INPPL1: variants seen among roughly 807,000 people sequenced by gnomAD.
INPPL1 encodes the protein phosphatidylinositol 3,4,5-trisphosphate 5-phosphatase 2.
Under a neutral mutation model 139.3 loss-of-function variants are expected in INPPL1, and 91 were observed. The observed-to-expected ratio is 0.65, with a 90% CI of 0.55 to 0.78. The LOEUF is 0.78. Among genes scored for constraint, INPPL1 ranks in the 30% least tolerant of loss-of-function variants. INPPL1 has a pLI of 0.00. For synonymous variants in INPPL1, 719 were observed against 686.6 expected, an observed-to-expected ratio of 1.05 and a Z score of -0.74; for missense variants, 1,411 against 1,665.6, an observed-to-expected ratio of 0.85 and a Z score of 2.66.
chr11:72,232,199 T>G, intron 13 of INPPL1, 41 bp from the exon 14 acceptor site: 1 of 1,463,710 alleles, frequency 6.8e-7, no homozygotes, highest in Non-Finnish European at 9.4e-7. Flanking sequence ...GGGAGCCCTC[T>G]GAGGATGACC....
In INPPL1 at chr11:72,230,034, G is replaced by A; in HGVS notation, c.939+15G>A. 1 of 1,614,126 alleles carries A rather than the reference G, an allele frequency of 6.2e-7. No homozygotes were observed. Among genetic ancestry groups the A allele is most frequent in the South Asian group, 1.1e-5 (1 of 91,086 alleles). ...AGGCCTTTGAGGTACATGGCAGTGG[G>A]GCCTCACAGGGCCAAGGGTGGTTGG... On this transcript the variant is annotated intron_variant, in intron 8 of 27. Coordinates refer to ENST00000298229, the MANE Select transcript of INPPL1 (RefSeq NM_001567.4).
chr11:72,226,053 T>A (rs969013065), intron 1 of INPPL1, among the ~76,000 whole-genome samples: 4 of 152,064 alleles, frequency 2.6e-5, no homozygotes, highest in African/African-American at 9.7e-5. Flanking sequence ...ATTTAGATCT[T>A]TATTTAGATC....
chr11:72,230,742 G>C (rs1175654395), intron 10 of INPPL1, 54 bp from the exon 11 acceptor site: 87 of 1,483,314 alleles, frequency 5.9e-5, no homozygotes, highest in Non-Finnish European at 7.7e-5. Flanking sequence ...TATCCCTGTG[G>C]ACGGGGGGCT....
rs1010295217 is a variant in INPPL1 at position 72,238,503 on chromosome 11, C to A, written c.*150C>A. The A allele has an allele frequency of 1.7e-6, 1 of 599,646 alleles. No individual in the cohort carries two copies. The allele number at this position is 599,646 out of a possible 1,614,324, so 37.1% of individuals were successfully genotyped here. ...CTATTTATTGGGGATCTGCATTCCC[C>A]GCTGCCCAATCATTTGCAATGCCCT... On this transcript the variant is annotated 3_prime_UTR_variant, in exon 28 of 28. Coordinates refer to ENST00000298229, the MANE Select transcript of INPPL1 (RefSeq NM_001567.4).
At chr11:72,237,069 T>A (rs1288052099) in intron 25 of INPPL1, 55 bp from the exon 26 acceptor site, 1 of 1,483,840 alleles carries the variant, frequency 6.7e-7, no homozygotes. Flanking sequence ...CTGCTTCCAC[T>A]GCCTTAGACC....
In INPPL1 at chr11:72,230,237, C is replaced by G. The variant is rs926667614; in HGVS notation, c.1056C>G (p.Ser352=). 1 of 1,609,664 alleles carries G rather than the reference C, an allele frequency of 6.2e-7. No individual in the cohort carries two copies. Among genetic ancestry groups the G allele is most frequent in the Non-Finnish European group, 8.5e-7 (1 of 1,177,268 alleles). ...RLVLLRRQRD[S]QEDWTTFTHD... ...TGCTGCTGCGGAGACAGCGGGACTC[C>G]CAGGAGGACTGGACCACCTTCACGC... Residue 352 remains serine (S), a synonymous_variant, in exon 9 of 28, where the codon TCC becomes TCG. Transcript: ENST00000298229.
chr11:72,230,618 C>T (rs757592171), intron 10 of INPPL1, 150 bp downstream of exon 10: 126 of 877,916 alleles, frequency 1.4e-4, no homozygotes, highest in Non-Finnish European at 1.2e-4. Context: ...GTGTTGAGAA[C>T]GGGTGGCCTG....
Position 72,235,631 on chromosome 11 carries a change from C to G in INPPL1, c.2660-44C>G. The G allele has an allele frequency of 1.9e-6, 3 of 1,601,464 alleles. No homozygotes were observed. The highest frequency in any genetic ancestry group is 2.6e-6 in the Non-Finnish European group (3 of 1,169,456). ...AGGCCCACTGGGTGTCTGTGGGATC[C>G]AGGAGCCCAGGTCTCCTCTGAGTCT... On this transcript the variant is annotated intron_variant, in intron 23 of 27. Coordinates refer to ENST00000298229, the MANE Select transcript of INPPL1 (RefSeq NM_001567.4). This position sits in a 1 kb window ranked among gnomAD's most constrained non-coding sequence, Gnocchi z 4.9.
intron 26 of INPPL1, 42 bp from the exon 27 acceptor site, chr11:72,238,000 T>TG: frequency 2.0e-6 from 3 of 1,511,064 alleles, no homozygotes; most frequent in South Asian, 1.3e-5. Context: ...GGTGTTTCTA[T>TG]GGGGGGCACT....
At chr11:72,230,498 G>C in intron 10 of INPPL1, 30 bp downstream of exon 10, 1 of 1,596,442 alleles carries the variant, frequency 6.3e-7, no homozygotes, top group African/African-American at 1.3e-5. Context: ...AGGCCACTGG[G>C]GACTGCGGGG....
Position 72,234,668 on chromosome 11 carries a change from C to T in INPPL1, c.2415+53C>T. The T allele has an allele frequency of 7.5e-7, 1 of 1,333,188 alleles. No homozygotes were observed. Among genetic ancestry groups the T allele is most frequent in the Non-Finnish European group, 1.1e-6 (1 of 931,136 alleles). 82.6% of individuals were successfully genotyped at this position (1,333,188 alleles called of 1,614,324 possible). On this transcript the variant is annotated intron_variant, in intron 21 of 27. Coordinates refer to ENST00000298229, the MANE Select transcript of INPPL1 (RefSeq NM_001567.4). The surrounding 1 kb of genome is among the most constrained non-coding windows in gnomAD (Gnocchi z 4.2). ...ATGGGTGAGGGCACAGAGAGGGGTA[C>T]ATAAGAGTTTATTGGAGAGCCTGCC...
rs368471130 is a variant in INPPL1, at chr11:72,235,940, C to G, written c.2833C>G (p.Pro945Ala). The change falls in exon 25 of 28, where the codon CCA (proline) becomes GCA (alanine). Residue 945 changes from proline (P) to alanine (A), a missense_variant. By Grantham distance (27) the Pro-to-Ala change is conservative. Around this residue, in one of 5 missense-constraint regions of INPPL1, gnomAD observed 438 missense variants for 425.7 expected, o/e 1.03. Coordinates refer to ENST00000298229, the MANE Select transcript of INPPL1 (RefSeq NM_001567.4). This position sits in a 1 kb window ranked among gnomAD's most constrained non-coding sequence, Gnocchi z 4.9. Reference protein sequence around the residue: ...PEKPPPTGRPPAPPRAAPREE... With the variant: ...PEKPPPTGRPAAPPRAAPREE... ...GAAACCGCCACCAACGGGGAGGCCC[C>G]CAGCCCCACCCCGAGCAGCTCCCCG... 2.7e-5 allele frequency: 43 copies of G among 1,611,612 alleles called. No homozygotes were observed. The highest frequency in any genetic ancestry group is 3.6e-5 in the Non-Finnish European group (43 of 1,179,144).
In INPPL1 at chr11:72,228,372, C is replaced by T. The variant is rs2135422081; in HGVS notation, c.271C>T (p.Arg91Cys). ...GACCTCGCAGGGTGTGCCTGTGCGC[C>T]GCTTCCAGACCCTGGGTGAGCTCAT... ...VQTSQGVPVRRFQTLGELIGL... is the reference protein window; with the variant it reads ...VQTSQGVPVRCFQTLGELIGL... The change falls in exon 3 of 28, where the codon CGC becomes TGC. Residue 91 changes from arginine to cysteine, a missense_variant. Physicochemically the swap from Arg to Cys is radical, Grantham distance 180. Around this residue, in one of 5 missense-constraint regions of INPPL1, gnomAD observed 504 missense variants for 595.6 expected, o/e 0.85. Transcript: ENST00000298229. This position sits in a 1 kb window ranked among gnomAD's most constrained non-coding sequence, Gnocchi z 5.0. 4.3e-6 allele frequency: 7 copies of T among 1,613,516 alleles called. No individual in the cohort carries two copies. Among genetic ancestry groups the T allele is most frequent in the Middle Eastern group, 1.7e-4 (1 of 6,060 alleles).
At chr11:72,227,988 G>C (rs1299217979) in intron 1 of INPPL1, 1 of 429,214 alleles carries the variant, frequency 2.3e-6, no homozygotes, top group East Asian at 3.7e-5. Flanking sequence ...GGGGTGTTCT[G>C]GTCATTCCTG....
At position 72,239,122 on chromosome 11, in the gene INPPL1, T is replaced by C. The variant is rs2093278608; in HGVS notation, c.*769T>C. 1 of 152,128 alleles carries C rather than the reference T, an allele frequency of 6.6e-6. No individual in the cohort carries two copies. Among genetic ancestry groups the C allele is most frequent in the South Asian group, 2.1e-4 (1 of 4,836 alleles). The allele number at this position is 152,128 out of a possible 1,614,324, so 9.4% of individuals were successfully genotyped here. On this transcript the variant is annotated 3_prime_UTR_variant, in exon 28 of 28. Transcript: ENST00000298229. ...TTATTTGGATTGAGTAAAACTTCAA[T>C]AAATTACAAGTTTTTCAAAGAAAAA...
At chr11:72,236,294 C>A (rs2135444233) in intron 25 of INPPL1, among the ~76,000 whole-genome samples, 1 of 152,358 alleles carries the variant, frequency 6.6e-6, no homozygotes, top group Non-Finnish European at 1.5e-5. Flanking sequence ...GGAGGAGGCA[C>A]ATGGCTCGGC....
Position 72,232,308 on chromosome 11 carries a change from C to G in INPPL1, c.1684C>G (p.Leu562Val). 1 of 1,553,810 alleles carries G rather than the reference C, an allele frequency of 6.4e-7. No individual in the cohort carries two copies. The highest frequency in any genetic ancestry group is 8.7e-7 in the Non-Finnish European group (1 of 1,147,988). The change falls in exon 14 of 28, where the codon CTC becomes GTC. Residue 562 changes from leucine to valine, a missense_variant. Around this residue, in one of 5 missense-constraint regions of INPPL1, gnomAD observed 363 missense variants for 446.2 expected, o/e 0.81. Coordinates refer to ENST00000298229, the MANE Select transcript of INPPL1 (RefSeq NM_001567.4). The part of the protein sequence containing the change: ...GTSFGFVNCH[L>V]TSGNEKTARR... ...CTCATTTGGCTTTGTGAATTGTCAC[C>G]TCACCTCGGGAAATGAGAAGACGGC...
Position 72,231,584 on chromosome 11 carries a change from C to T in INPPL1, c.1584C>T (p.Ser528=), listed in dbSNP as rs1359430019. 6.2e-7 allele frequency: 1 copy of T among 1,613,760 alleles called. No individual in the cohort carries two copies. The highest frequency in any genetic ancestry group is 1.3e-5 in the African/African-American group (1 of 75,020). The change falls in exon 13 of 28, where the codon TCC becomes TCT. Residue 528 remains serine, a synonymous_variant. Coordinates refer to ENST00000298229, the MANE Select transcript of INPPL1 (RefSeq NM_001567.4). ...HENRISHVST[S]SVKTGIANTL... ...ACCGTATCAGCCATGTCAGTACGTC[C>T]AGTGTGAAGACTGGCATCGCCAACA...
At chr11:72,232,073 C>T (rs1181811489) in intron 13 of INPPL1, among the ~76,000 whole-genome samples, 167 bp from the exon 14 acceptor site, 1 of 152,198 alleles carries the variant, frequency 6.6e-6, no homozygotes, top group Non-Finnish European at 1.5e-5. Flanking sequence ...AATGAGGACC[C>T]CCCCCTCCCC....
Sources: allele counts gnomAD v4.1 joint callset (sites outside exome capture counted in the v4.1 genomes callset), GRCh38; gene constraint gnomAD v4.1.1; regional missense constraint gnomAD v4.1.1; non-coding constraint Gnocchi (gnomAD v3.1); transcripts MANE v1.5; gene names NCBI Gene and HGNC (gene_info 2026-07-23, HGNC 2026-07-21).